Variants in ADAM22 observed in about 807,000 individuals in gnomAD.
ADAM22 encodes disintegrin and metalloproteinase domain-containing protein 22.
Under a neutral mutation model 144.6 loss-of-function variants are expected in ADAM22, and 65 were observed. The observed-to-expected ratio is 0.45, with a 90% CI of 0.37 to 0.55. The LOEUF is 0.55. Ranked by LOEUF, ADAM22 falls within the 20% of genes least tolerant of loss-of-function variation. The probability of loss-of-function intolerance (pLI) is 0.00; values close to 1 mark genes in which losing one functional copy is unlikely to be tolerated. For synonymous variants in ADAM22, 391 were observed against 412.6 expected (o/e 0.95, Z 0.63); for missense variants, 974 against 1,184.9 (o/e 0.82, Z 2.61).
intron 4 of ADAM22, among the ~76,000 whole-genome samples, chr7:88,079,878 A>C (rs1355430244): frequency 6.6e-6 from 1 of 152,112 alleles, no homozygotes; most frequent in Admixed American, 6.6e-5. Flanking sequence ...AGAGACTTAG[A>C]CTCCCACACA....
rs1429365637 is a variant in ADAM22, at chr7:88,153,215, C to T, written c.1682-6C>T. 3.7e-6 allele frequency: 6 copies of T among 1,609,052 alleles called. No individual in the cohort carries two copies. Among genetic ancestry groups the T allele is most frequent in the Non-Finnish European group, 5.1e-6 (6 of 1,177,558 alleles). ...CTCACTGATAGAAAATTTTTTTCTG[C>T]CTTAGAGGTGACAGCATCAGACAAA... is the stretch of plus-strand genomic sequence containing the variant. On this transcript the variant is annotated splice_polypyrimidine_tract_variant and splice_region_variant and intron_variant, in intron 20 of 31. Transcript: ENST00000413139.
chr7:87,999,280 A>G (rs1037412604), intron 3 of ADAM22, among the ~76,000 whole-genome samples: 1 of 152,218 alleles, frequency 6.6e-6, no homozygotes, highest in African/African-American at 2.4e-5. Flanking sequence ...GGAAGATAAC[A>G]TTTATGAAAC....
In ADAM22 at chr7:88,044,577, G is replaced by A. The variant is rs1207719743; in HGVS notation, c.324-31049G>A. On this transcript the variant is annotated intron_variant, in intron 3 of 31. Transcript: ENST00000413139. ...TTCTCCTGCCTCAGCCTCCTGAGTA[G>A]CCGGGACTACAGGTGTGTGCCACCA... 2.1e-5 allele frequency among the ~76,000 whole-genome samples: 3 copies of A among 143,990 alleles called. No homozygotes were observed. The Admixed American group carries it at 2.1e-4, about 10-fold the overall frequency. The allele number at this position is 143,990 out of a possible 152,430, so 94.5% of individuals were successfully genotyped here.
At chr7:88,170,041 CT>C (rs1843925647) in intron 25 of ADAM22, among the ~76,000 whole-genome samples, 1 of 151,974 alleles carries the variant, frequency 6.6e-6, no homozygotes, top group African/African-American at 2.4e-5. Context: ...ATGAAAATCA[CT>C]TTTTTTCTGC....
intron 5 of ADAM22, among the ~76,000 whole-genome samples, chr7:88,113,117 C>T (rs1205018134): frequency 2.3e-5 from 3 of 130,608 alleles, no homozygotes; most frequent in African/African-American, 8.7e-5. Flanking sequence ...CCTGCCTGCC[C>T]TCTTTTTTTT....
At chr7:88,093,537 CTTTT>C (rs1013941829) in intron 4 of ADAM22, among the ~76,000 whole-genome samples, 2 of 151,528 alleles carry the variant, frequency 1.3e-5, no homozygotes, top group African/African-American at 4.8e-5. Context: ...TTTTTTCTTT[CTTTT>C]TGTTGTTGTT....
In ADAM22 at chr7:88,030,500, T is replaced by C. The variant is rs140857506; in HGVS notation, c.324-45126T>C. ...TGCCTTATTTTATTATTTGGTGATATGGCTTGGCTCTGTGTCTCCACCCAA... is the reference window on the plus strand; with the variant it reads ...TGCCTTATTTTATTATTTGGTGATACGGCTTGGCTCTGTGTCTCCACCCAA... On this transcript the variant is annotated intron_variant, in intron 3 of 31. Coordinates refer to ENST00000413139, the MANE Select transcript of ADAM22 (RefSeq NM_001324418.2). Among the ~76,000 whole-genome samples the C allele has an allele frequency of 9.9e-3, 1,500 of 152,264 alleles. 6 individuals carry two copies. The highest frequency in any genetic ancestry group is 0.041 in the Middle Eastern group (12 of 294).
chr7:87,960,631 T>C (rs1847827991), intron 2 of ADAM22, among the ~76,000 whole-genome samples: 1 of 152,200 alleles, frequency 6.6e-6, no homozygotes, highest in Non-Finnish European at 1.5e-5. Flanking sequence ...GATTTCTCTT[T>C]TTATCATTCT....
At chr7:87,942,509 G>A (rs962306641) in intron 2 of ADAM22, among the ~76,000 whole-genome samples, 1 of 152,164 alleles carries the variant, frequency 6.6e-6, no homozygotes, top group African/African-American at 2.4e-5. Context: ...GCCATTAAAT[G>A]TTGCTGGAGT....
At chr7:88,027,281 T>G (rs1409231374) in intron 3 of ADAM22, among the ~76,000 whole-genome samples, 1 of 152,238 alleles carries the variant, frequency 6.6e-6, no homozygotes, top group Non-Finnish European at 1.5e-5. Context: ...TCCACCATTA[T>G]TTGGAATAGT....
At chr7:88,113,385 A>G (rs928890071) in intron 5 of ADAM22, among the ~76,000 whole-genome samples, 25 of 151,344 alleles carry the variant, frequency 1.7e-4, no homozygotes, top group African/African-American at 5.6e-4. Flanking sequence ...TTTCGCCTGG[A>G]TTATTGCAGT....
intron 4 of ADAM22, among the ~76,000 whole-genome samples, chr7:88,092,372 T>G (rs1423330907): frequency 6.6e-6 from 1 of 152,184 alleles, no homozygotes; most frequent in Non-Finnish European, 1.5e-5. Flanking sequence ...ACAAACAAAC[T>G]GATAAAGTGT....
intron 9 of ADAM22, 115 bp from the exon 10 acceptor site, chr7:88,130,273 A>T (rs978965740): frequency 4.2e-5 from 26 of 623,742 alleles, no homozygotes; most frequent in African/African-American, 3.9e-4. Context: ...TACAGAAAAG[A>T]TTTTTTTTTT....
At chr7:88,056,067 A>C (rs1035048737) in intron 3 of ADAM22, among the ~76,000 whole-genome samples, 4 of 152,232 alleles carry the variant, frequency 2.6e-5, no homozygotes, top group African/African-American at 9.6e-5. Flanking sequence ...AGTCCTGTGC[A>C]ATACCTAGTT....
At chr7:88,006,398 T>A (rs891576249) in intron 3 of ADAM22, among the ~76,000 whole-genome samples, 9 of 151,984 alleles carry the variant, frequency 5.9e-5, no homozygotes, top group Non-Finnish European at 1.2e-4. Flanking sequence ...CTAACTCATT[T>A]TATGAGGCCA....
chr7:88,146,314 A>C (rs1836396198), intron 17 of ADAM22, among the ~76,000 whole-genome samples: 2 of 152,220 alleles, frequency 1.3e-5, no homozygotes, highest in African/African-American at 4.8e-5. Context: ...CTTAGTGATA[A>C]TTTGCTGATT....
intron 3 of ADAM22, among the ~76,000 whole-genome samples, chr7:88,070,438 T>G (rs1812425063): frequency 6.6e-6 from 1 of 152,180 alleles, no homozygotes; most frequent in Non-Finnish European, 1.5e-5. Flanking sequence ...AACTACACCC[T>G]TGACTTACTC....
intron 29 of ADAM22, chr7:88,185,716 C>T (rs1167260833): frequency 1.3e-5 from 2 of 152,174 alleles, no homozygotes; most frequent in Non-Finnish European, 2.9e-5. Context: ...AAACCAACAA[C>T]TGAAGACCTC....
chr7:87,989,609 T>C (rs1471774760), intron 3 of ADAM22, among the ~76,000 whole-genome samples: 2 of 152,162 alleles, frequency 1.3e-5, no homozygotes, highest in African/African-American at 4.8e-5. Context: ...TTGTCAGAGA[T>C]ATGTAGTTTA....
Sources: allele counts gnomAD v4.1 joint callset (sites outside exome capture counted in the v4.1 genomes callset), GRCh38; gene constraint gnomAD v4.1.1; transcripts MANE v1.5; gene names NCBI Gene and HGNC (gene_info 2026-07-23, HGNC 2026-07-21).